The following UTRN variants were observed in gnomAD, a reference collection of about 807,000 sequenced individuals.
UTRN encodes dystrophin-related protein 1.
UTRN carries 283 observed loss-of-function variants against 463.9 expected under a neutral mutation model. That is an observed-to-expected ratio of 0.61 (90% CI 0.55 to 0.67). The LOEUF (loss-of-function observed/expected upper bound fraction) is 0.67. Ranked by LOEUF, UTRN falls within the 30% of genes least tolerant of loss-of-function variation. The probability of loss-of-function intolerance (pLI) is 0.00; values close to 1 mark genes in which losing one functional copy is unlikely to be tolerated. For synonymous variants in UTRN, 1,442 were observed against 1,431.5 expected, an observed-to-expected ratio of 1.01 and a Z score of -0.17; for missense variants, 3,922 against 4,084.3, an observed-to-expected ratio of 0.96 and a Z score of 1.08.
intron 69 of UTRN, among the ~76,000 whole-genome samples, chr6:144,832,548 A>G (rs1210519041): frequency 2.0e-5 from 3 of 152,150 alleles, no homozygotes; most frequent in Non-Finnish European, 4.4e-5. Context: ...TTAAGCACTG[A>G]AGTTAATCCA....
intron 50 of UTRN, among the ~76,000 whole-genome samples, chr6:144,561,420 A>G (rs1470972616): frequency 6.6e-6 from 1 of 150,630 alleles, no homozygotes; most frequent in East Asian, 2.0e-4. Context: ...ATATATGCAC[A>G]CTCATGTATA....
At position 144,835,827 on chromosome 6, in the gene UTRN, G is replaced by T; in HGVS notation, c.9713G>T (p.Gly3238Val). The change falls in exon 70 of 75, where the codon GGA becomes GTA. Residue 3238 changes from glycine (G) to valine (V), a missense_variant. Physicochemically the swap from Gly to Val is moderately radical, Grantham distance 109. Around this residue, in one of 3 missense-constraint regions of UTRN, gnomAD observed 1,309 missense variants for 1,452.6 expected, o/e 0.90. Coordinates refer to ENST00000367545, the MANE Select transcript of UTRN (RefSeq NM_007124.3). ...CAGCAGTATTGCCAAACACTCGGAG[G>T]AGAGTCCCCAGTGAGCCAGCCGCAG... Reference protein sequence around the residue: ...LIQQYCQTLGGESPVSQPQSP... With the variant: ...LIQQYCQTLGVESPVSQPQSP... 1 of 1,614,124 alleles carries T rather than the reference G, an allele frequency of 6.2e-7. No homozygotes were observed. Among genetic ancestry groups the T allele is most frequent in the South Asian group, 1.1e-5 (1 of 91,086 alleles).
intron 43 of UTRN, among the ~76,000 whole-genome samples, chr6:144,533,947 T>C (rs1234442517): frequency 9.2e-5 from 14 of 152,096 alleles, no homozygotes; most frequent in Non-Finnish European, 1.9e-4. Context: ...TCATTAATGA[T>C]CTTTTTTGTT....
At chr6:144,524,774 C>T (rs1176697506) in intron 41 of UTRN, among the ~76,000 whole-genome samples, 4 of 152,104 alleles carry the variant, frequency 2.6e-5, no homozygotes, top group African/African-American at 9.7e-5. Context: ...TTCCAGTTCT[C>T]AGGGGGAATG....
intron 69 of UTRN, among the ~76,000 whole-genome samples, chr6:144,833,651 A>AGG (rs1780858792): frequency 6.6e-6 from 1 of 152,032 alleles, no homozygotes; most frequent in African/African-American, 2.4e-5. Flanking sequence ...CATTTGTCCT[A>AGG]TCCATATGTT....
Position 144,836,546 on chromosome 6 carries a change from G to C in UTRN, c.10065+5G>C. 1 of 1,612,886 alleles carries C rather than the reference G, an allele frequency of 6.2e-7. No individual in the cohort carries two copies. Among genetic ancestry groups the C allele is most frequent in the Non-Finnish European group, 8.5e-7 (1 of 1,179,846 alleles). On this transcript the variant is annotated splice_donor_5th_base_variant and intron_variant, in intron 71 of 74. Transcript: ENST00000367545. ...CTCCGACAGCTGCTGGAGCAGGTAG[G>C]GTGTGTAGAATTCAGCGTCACACCT...
intron 42 of UTRN, among the ~76,000 whole-genome samples, chr6:144,531,731 C>T (rs538048060): frequency 6.2e-4 from 94 of 152,230 alleles, no homozygotes; most frequent in African/African-American, 2.2e-3. Context: ...AAAGCACACG[C>T]AATTTCAATT....
intron 53 of UTRN, among the ~76,000 whole-genome samples, chr6:144,725,443 A>G (rs1020245341): frequency 6.6e-6 from 1 of 152,226 alleles, no homozygotes; most frequent in African/African-American, 2.4e-5. Context: ...GTTTCTTCAC[A>G]TCCTCACCAA....
At position 144,657,354 on chromosome 6, in the gene UTRN, T is replaced by C. The variant is rs370614120; in HGVS notation, c.7480-21052T>C. ...TGTATATAAGGGAGTTTTCGGTAAG[T>C]GTCATCGTTTCTACCTTAGCAGAGG... On this transcript the variant is annotated intron_variant, in intron 51 of 74. Transcript: ENST00000367545. Among the ~76,000 whole-genome samples, 18 of 151,978 alleles carry C rather than the reference T, an allele frequency of 1.2e-4. No individual in the cohort carries two copies. The East Asian group carries it at 1.4e-3, about 11-fold the overall frequency.
At chr6:144,485,731 G>A (rs546660186) in intron 28 of UTRN, among the ~76,000 whole-genome samples, 22 of 152,298 alleles carry the variant, frequency 1.4e-4, no homozygotes, top group Admixed American at 8.5e-4. Flanking sequence ...TCAAGACGTG[G>A]TTAGCTGTTT....
chr6:144,727,398 A>G (rs749644952), intron 53 of UTRN, among the ~76,000 whole-genome samples: 9 of 152,176 alleles, frequency 5.9e-5, no homozygotes, highest in African/African-American at 9.7e-5. Context: ...AAATCTGTAC[A>G]TTCCTGGAAC....
At chr6:144,483,744 C>T (rs536292280) in intron 27 of UTRN, among the ~76,000 whole-genome samples, 9 of 152,276 alleles carry the variant, frequency 5.9e-5, no homozygotes, top group East Asian at 1.9e-4. Context: ...CCACTGCACC[C>T]GGACTGGCTG....
intron 41 of UTRN, among the ~76,000 whole-genome samples, chr6:144,523,735 A>G (rs78730864): frequency 0.04 from 6,118 of 152,280 alleles, 331 homozygotes; most frequent in African/African-American, 0.12. Flanking sequence ...TTTAGTGTCT[A>G]AATAGTGTCC....
At position 144,531,093 on chromosome 6, in the gene UTRN, G is replaced by C; in HGVS notation, c.5948G>C (p.Cys1983Ser). 6.2e-7 allele frequency: 1 copy of C among 1,614,052 alleles called. No individual in the cohort carries two copies. The highest frequency in any genetic ancestry group is 8.5e-7 in the Non-Finnish European group (1 of 1,179,958). The change falls in exon 42 of 75, where the codon TGT (cysteine) becomes TCT (serine). Residue 1983 changes from cysteine to serine, a missense_variant. Around this residue, in one of 3 missense-constraint regions of UTRN, gnomAD observed 2,349 missense variants for 2,303.8 expected, o/e 1.02. Coordinates refer to ENST00000367545, the MANE Select transcript of UTRN (RefSeq NM_007124.3). ...RAMEEWRQFHCDLNDLTQWIT... is the reference protein window; with the variant it reads ...RAMEEWRQFHSDLNDLTQWIT... ...ATGGAAGAATGGAGACAGTTCCATT[G>C]TGACCTTAATGACCTCACACAGTGG...
intron 62 of UTRN, among the ~76,000 whole-genome samples, chr6:144,789,522 A>G (rs1776579337): frequency 6.6e-6 from 1 of 152,158 alleles, no homozygotes; most frequent in Non-Finnish European, 1.5e-5. Context: ...ACCCAACTAC[A>G]AATTATACTT....
chr6:144,754,904 A>T, intron 57 of UTRN, 106 bp downstream of exon 57: 1 of 1,100,968 alleles, frequency 9.1e-7, no homozygotes, highest in Non-Finnish European at 1.3e-6. Context: ...GTTTATTTAG[A>T]TAGATCCTTG....
At chr6:144,469,487 G>GC (rs1379947393) in intron 23 of UTRN, among the ~76,000 whole-genome samples, 1 of 152,112 alleles carries the variant, frequency 6.6e-6, no homozygotes, top group Non-Finnish European at 1.5e-5. Flanking sequence ...GTTTCTCAAG[G>GC]CCCCATGGCT....
chr6:144,656,403 T>G (rs914337379), intron 51 of UTRN, among the ~76,000 whole-genome samples: 1 of 152,238 alleles, frequency 6.6e-6, no homozygotes, highest in African/African-American at 2.4e-5. Context: ...GTACTGACTT[T>G]AAACTAAGAA....
chr6:144,696,014 G>T (rs56388113), intron 52 of UTRN, among the ~76,000 whole-genome samples: 5,096 of 152,116 alleles, frequency 0.034, 299 homozygotes, highest in African/African-American at 0.12. Flanking sequence ...AGAGTTCAAA[G>T]ATAAAATTCT....
Sources: allele counts gnomAD v4.1 joint callset (sites outside exome capture counted in the v4.1 genomes callset), GRCh38; gene constraint gnomAD v4.1.1; regional missense constraint gnomAD v4.1.1; transcripts MANE v1.5; gene names NCBI Gene and HGNC (gene_info 2026-07-23, HGNC 2026-07-21).